Variants in AKAP6 observed in about 807,000 individuals in gnomAD.
AKAP6 encodes A-kinase anchor protein 6.
Under a neutral mutation model 188.5 loss-of-function variants are expected in AKAP6, and 58 were observed. That is an observed-to-expected ratio of 0.31 (90% CI 0.25 to 0.38). The LOEUF (loss-of-function observed/expected upper bound fraction) is 0.38, where lower values mean the gene tolerates loss of function less well. Among genes scored for constraint, AKAP6 ranks in the 10% least tolerant of loss-of-function variants. The probability of loss-of-function intolerance (pLI) is 1.00; values close to 1 mark genes in which losing one functional copy is unlikely to be tolerated. For missense variants in AKAP6, 2,710 were observed against 2,740.0 expected (o/e 0.99, Z 0.24); for synonymous variants, 989 against 998.6 (o/e 0.99, Z 0.18).
intron 8 of AKAP6, among the ~76,000 whole-genome samples, chr14:32,686,052 A>C (rs1889911958): frequency 6.6e-6 from 1 of 152,254 alleles, no homozygotes; most frequent in Non-Finnish European, 1.5e-5. Flanking sequence ...GTCCATCAGC[A>C]GATGAATGTA....
chr14:32,370,448 A>C (rs1003542154), intron 1 of AKAP6, among the ~76,000 whole-genome samples: 3 of 152,240 alleles, frequency 2.0e-5, no homozygotes. Flanking sequence ...TAATTACCAG[A>C]AGTGAACACA....
intron 7 of AKAP6, among the ~76,000 whole-genome samples, chr14:32,662,139 A>G (rs544089223): frequency 6.6e-6 from 1 of 152,214 alleles, no homozygotes; most frequent in East Asian, 1.9e-4. Context: ...AGTATAATAG[A>G]TTATTTGGAA....
chr14:32,797,586 C>T (rs1208320317), intron 12 of AKAP6, among the ~76,000 whole-genome samples: 1 of 151,982 alleles, frequency 6.6e-6, no homozygotes, highest in Non-Finnish European at 1.5e-5. Flanking sequence ...CACATAGACA[C>T]ATGTGGGTGA....
chr14:32,433,332 T>A (rs1890278828), intron 1 of AKAP6, 128 bp from the exon 2 acceptor site: 1 of 679,734 alleles, frequency 1.5e-6, no homozygotes, highest in Non-Finnish European at 2.4e-6. Context: ...CTGTTTTTGT[T>A]ATGAGCTATG....
intron 1 of AKAP6, among the ~76,000 whole-genome samples, chr14:32,366,127 C>G (rs1039371291): frequency 3.3e-5 from 5 of 152,080 alleles, no homozygotes; most frequent in Admixed American, 2.0e-4. Flanking sequence ...CCCCCACTAC[C>G]ATTTCCTCTC....
In AKAP6 at chr14:32,441,738, C is replaced by T. The variant is rs141185229; in HGVS notation, c.324+7921C>T. The stretch of plus-strand genomic sequence containing the variant: ...AGCTCAGAATGAGAGCATTATTTGT[C>T]AAGGTGGCTCAGTCTAACAGATTGT... On this transcript the variant is annotated intron_variant, in intron 2 of 13. Coordinates refer to ENST00000280979, the MANE Select transcript of AKAP6 (RefSeq NM_004274.5). 5.0e-4 allele frequency among the ~76,000 whole-genome samples: 76 copies of T among 152,264 alleles called. 1 individual carries two copies. In the East Asian group the frequency reaches 0.013, roughly 26 times the overall value.
chr14:32,565,430 A>C (rs142056138), intron 4 of AKAP6, among the ~76,000 whole-genome samples: 1 of 152,152 alleles, frequency 6.6e-6, no homozygotes, highest in Non-Finnish European at 1.5e-5. Flanking sequence ...TCATCCATCA[A>C]ATCCAATTAG....
intron 7 of AKAP6, among the ~76,000 whole-genome samples, chr14:32,623,342 C>G (rs1450796360): frequency 6.6e-6 from 1 of 152,138 alleles, no homozygotes; most frequent in Admixed American, 6.5e-5. Context: ...TGATTGTGTG[C>G]TTATGATTTA....
At chr14:32,786,299 T>TTTTTTTTTTTG (rs2033408049) in intron 12 of AKAP6, among the ~76,000 whole-genome samples, 1 of 40,954 alleles carries the variant, frequency 2.4e-5, no homozygotes, top group Admixed American at 3.1e-4. Flanking sequence ...AACCTTTATC[T>TTTTTTTTTTTG]TTTTTTTTTT....
chr14:32,624,490 G>A (rs1018228531), intron 7 of AKAP6, among the ~76,000 whole-genome samples: 1 of 152,050 alleles, frequency 6.6e-6, no homozygotes, highest in Non-Finnish European at 1.5e-5. Flanking sequence ...GGCCCTTTTG[G>A]CTACCTGGCA....
intron 11 of AKAP6, among the ~76,000 whole-genome samples, chr14:32,769,950 T>A (rs1229496597): frequency 6.6e-6 from 1 of 152,178 alleles, no homozygotes; most frequent in Admixed American, 6.5e-5. Flanking sequence ...TGCACATATT[T>A]GATATATAAT....
At chr14:32,657,278 T>C (rs10141122) in intron 7 of AKAP6, among the ~76,000 whole-genome samples, 34,433 of 152,106 alleles carry the variant, frequency 0.23, 4,265 homozygotes, top group Admixed American at 0.3. Flanking sequence ...TGCTGACTCA[T>C]GCTGACCCTG....
At chr14:32,772,046 A>ATG (rs145486851) in intron 11 of AKAP6, among the ~76,000 whole-genome samples, 57 of 151,306 alleles carry the variant, frequency 3.8e-4, no homozygotes, top group African/African-American at 6.3e-4. Flanking sequence ...GTGTGTGTGG[A>ATG]TGTGTGTGTG....
intron 4 of AKAP6, among the ~76,000 whole-genome samples, chr14:32,557,523 G>T (rs991612835): frequency 1.3e-5 from 2 of 152,280 alleles, no homozygotes; most frequent in African/African-American, 4.8e-5. Flanking sequence ...TTGCAATCAC[G>T]ATTCTGCTAT....
chr14:32,439,963 T>C (rs1957015), intron 2 of AKAP6, among the ~76,000 whole-genome samples: 94,173 of 152,082 alleles, frequency 0.62, 30,993 homozygotes, highest in African/African-American at 0.85. Context: ...TTTTCATTTT[T>C]GCCCTTTAGA....
chr14:32,569,991 C>T (rs1389387623), intron 4 of AKAP6, among the ~76,000 whole-genome samples: 1 of 152,098 alleles, frequency 6.6e-6, no homozygotes, highest in African/African-American at 2.4e-5. Context: ...TGGTGAAATT[C>T]TTGCTAACCT....
chr14:32,466,627 C>T (rs1024438076), intron 2 of AKAP6, among the ~76,000 whole-genome samples: 3 of 150,208 alleles, frequency 2.0e-5, no homozygotes, highest in African/African-American at 4.9e-5. Flanking sequence ...CTAATGCATG[C>T]GGGGCTTAAA....
chr14:32,734,266 T>C (rs2031315961), intron 10 of AKAP6: 1 of 152,056 alleles, frequency 6.6e-6, no homozygotes, highest in East Asian at 1.9e-4. Context: ...CTTCTAACAA[T>C]AGTAAAATAG....
intron 7 of AKAP6, among the ~76,000 whole-genome samples, chr14:32,618,794 C>G (rs10142787): frequency 0.013 from 1,936 of 152,304 alleles, 31 homozygotes; most frequent in African/African-American, 0.043. Context: ...AGGGATTGTA[C>G]TAAATTACAT....
Sources: gnomAD v4.1 joint callset for allele counts (sites outside exome capture counted in the v4.1 genomes callset) on GRCh38, gnomAD v4.1.1 for gene constraint, MANE v1.5 for transcripts, NCBI Gene and HGNC (gene_info 2026-07-23, HGNC 2026-07-21) for gene names.